BAZ1A: variants seen among roughly 807,000 people sequenced by gnomAD.
BAZ1A encodes the protein bromodomain adjacent to zinc finger domain 1A, also known as bromodomain adjacent to zinc finger domain protein 1A.
A neutral mutation model predicts 185.2 loss-of-function variants in BAZ1A; 50 were observed. That is an observed-to-expected ratio of 0.27 (90% confidence interval 0.22 to 0.34). BAZ1A has a LOEUF of 0.34. Among genes scored for constraint, BAZ1A ranks in the 10% least tolerant of loss-of-function variants. BAZ1A has a pLI of 1.00. For missense variants in BAZ1A, 1,356 were observed against 1,839.9 expected, an observed-to-expected ratio of 0.74 and a Z score of 4.81; for synonymous variants, 571 against 615.6, an observed-to-expected ratio of 0.93 and a Z score of 1.07.
chr14:34,801,328 A>G (rs1301803775), intron 7 of BAZ1A, 135 bp from the exon 8 acceptor site: 5 of 648,418 alleles, frequency 7.7e-6, no homozygotes, highest in Middle Eastern at 4.2e-4. Flanking sequence ...GTCTCGCTCT[A>G]TCCCCCAGGC....
chr14:34,823,127 G>A (rs1484798084), intron 4 of BAZ1A, among the ~76,000 whole-genome samples: 1 of 152,172 alleles, frequency 6.6e-6, no homozygotes, highest in Non-Finnish European at 1.5e-5. Flanking sequence ...GCTGATATGG[G>A]TAGATCAACT....
At chr14:34,815,789 T>C (rs1234301549) in intron 4 of BAZ1A, among the ~76,000 whole-genome samples, 1 of 152,178 alleles carries the variant, frequency 6.6e-6, no homozygotes, top group South Asian at 2.1e-4. Flanking sequence ...AAGGTTTCTT[T>C]TAAGAGAAAT....
chr14:34,829,219 T>C (rs991481558), intron 3 of BAZ1A, among the ~76,000 whole-genome samples: 13 of 147,352 alleles, frequency 8.8e-5, no homozygotes, highest in Non-Finnish European at 3.0e-5. Context: ...TGAGCCATGA[T>C]TGTGCCACTG....
intron 2 of BAZ1A, among the ~76,000 whole-genome samples, chr14:34,868,662 AC>A: frequency 6.6e-6 from 1 of 152,058 alleles, no homozygotes; most frequent in East Asian, 1.9e-4. Flanking sequence ...TTAGCTGGGC[AC>A]GGTGTCAGGA....
chr14:34,827,300 T>C (rs906159498), intron 3 of BAZ1A, among the ~76,000 whole-genome samples: 1 of 152,230 alleles, frequency 6.6e-6, no homozygotes, highest in African/African-American at 2.4e-5. Context: ...AGTTGATTTA[T>C]TGTGTTGTTC....
intron 3 of BAZ1A, among the ~76,000 whole-genome samples, chr14:34,851,124 G>T (rs1390098245): frequency 1.3e-5 from 2 of 151,974 alleles, no homozygotes; most frequent in Non-Finnish European, 2.9e-5. Context: ...CTTGAGGCCA[G>T]GAGTTCAAGA....
At chr14:34,804,931 T>C (rs771723493) in intron 6 of BAZ1A, among the ~76,000 whole-genome samples, 1 of 152,200 alleles carries the variant, frequency 6.6e-6, no homozygotes, top group Non-Finnish European at 1.5e-5. Flanking sequence ...TGTGCTGATA[T>C]AATTTGGCTC....
intron 3 of BAZ1A, among the ~76,000 whole-genome samples, chr14:34,849,559 A>G (rs1400224427): frequency 6.6e-6 from 1 of 152,202 alleles, no homozygotes; most frequent in African/African-American, 2.4e-5. Context: ...TAAAAAATTT[A>G]TAAACTTTAC....
chr14:34,834,821 A>G (rs2042303070), intron 3 of BAZ1A, among the ~76,000 whole-genome samples: 2 of 152,198 alleles, frequency 1.3e-5, no homozygotes, highest in African/African-American at 4.8e-5. Flanking sequence ...TGTATGTAAA[A>G]AAACAGAGAA....
chr14:34,858,690 TTAAAA>T (rs1346289146), intron 3 of BAZ1A, among the ~76,000 whole-genome samples: 19 of 148,896 alleles, frequency 1.3e-4, no homozygotes, highest in East Asian at 5.9e-4. Context: ...TAAATAAATT[TTAAAA>T]TAAAATAAAA....
intron 3 of BAZ1A, among the ~76,000 whole-genome samples, chr14:34,837,300 G>T (rs767580567): frequency 6.6e-6 from 1 of 151,728 alleles, no homozygotes; most frequent in Non-Finnish European, 1.5e-5. Flanking sequence ...GGCGTGCAGT[G>T]GTGTGATCTT....
chr14:34,836,084 T>C (rs1215283315), intron 3 of BAZ1A, among the ~76,000 whole-genome samples: 1 of 97,270 alleles, frequency 1.0e-5, no homozygotes, highest in Non-Finnish European at 2.4e-5. Context: ...AAGCAAATTA[T>C]AAAACTTTCT....
In BAZ1A at chr14:34,874,380, C is replaced by T; in HGVS notation, c.113+112G>A. On this transcript the variant is annotated intron_variant, in intron 2 of 26. Coordinates refer to ENST00000360310, the MANE Select transcript of BAZ1A (RefSeq NM_013448.3). This position sits in a 1 kb window ranked among gnomAD's most constrained non-coding sequence, Gnocchi z 4.7. ...CCGCGGGCCCGGGGGCCACCCGTCA[C>T]TTTCAAGTCGCCCCGCCAGAAGCCC... is the stretch of plus-strand genomic sequence containing the variant. 1 of 1,106,270 alleles carries T rather than the reference C, an allele frequency of 9.0e-7. No individual in the cohort carries two copies. Among genetic ancestry groups the T allele is most frequent in the South Asian group, 1.3e-5 (1 of 76,174 alleles). The allele number at this position is 1,106,270 out of a possible 1,614,324, so 68.5% of individuals were successfully genotyped here.
At chr14:34,807,357 C>A in intron 6 of BAZ1A, 94 bp downstream of exon 6, 1 of 845,638 alleles carries the variant, frequency 1.2e-6, no homozygotes, top group South Asian at 2.6e-5. Flanking sequence ...AATCTTTAAT[C>A]ATCTTTGAAA....
intron 7 of BAZ1A, among the ~76,000 whole-genome samples, chr14:34,801,753 G>A (rs767069011): frequency 3.9e-5 from 6 of 151,928 alleles, no homozygotes; most frequent in Non-Finnish European, 7.4e-5. Context: ...TATTAAAAAT[G>A]CAAAAATTAG....
At chr14:34,800,478 T>A (rs997147763) in intron 8 of BAZ1A, 88 bp from the exon 9 acceptor site, 53 of 1,084,618 alleles carry the variant, frequency 4.9e-5, no homozygotes, top group Non-Finnish European at 6.8e-5. Context: ...ATCCTTGAAA[T>A]AATTTAAAGT....
At chr14:34,837,152 AC>A (rs1250915032) in intron 3 of BAZ1A, among the ~76,000 whole-genome samples, 1 of 151,890 alleles carries the variant, frequency 6.6e-6, no homozygotes, top group Non-Finnish European at 1.5e-5. Context: ...CTGGCATTTG[AC>A]CTATTATAAG....
In BAZ1A at chr14:34,795,736, T is replaced by C; in HGVS notation, c.1158A>G (p.Arg386=). 6.2e-7 allele frequency: 1 copy of C among 1,612,862 alleles called. No homozygotes were observed. The highest frequency in any genetic ancestry group is 8.5e-7 in the Non-Finnish European group (1 of 1,179,744). The change falls in exon 10 of 27, where the codon CGA becomes CGG. Residue 386 remains arginine, a synonymous_variant. Transcript: ENST00000360310. ...ACTGTTTTAAGTATTCCACATACTTTCGCTTTTCTTCACGTAACTTCTCTC... is the reference window on the plus strand; with the variant it reads ...ACTGTTTTAAGTATTCCACATACTTCCGCTTTTCTTCACGTAACTTCTCTC... ...KEREKLREEK[R]KYVEYLKQWS...
Position 34,817,721 on chromosome 14 carries a change from C to CA in BAZ1A, c.537-6686dup, listed in dbSNP as rs143361795. 6.2e-3 allele frequency among the ~76,000 whole-genome samples: 937 copies of CA among 152,184 alleles called. 17 individuals carry two copies. Among genetic ancestry groups the CA allele is most frequent in the African/African-American group, 0.022 (906 of 41,522 alleles). On this transcript the variant is annotated intron_variant, in intron 4 of 26. Coordinates refer to ENST00000360310, the MANE Select transcript of BAZ1A (RefSeq NM_013448.3). ...TTCTGCAAAAAAATATACAAATGGC[C>CA]ATAAGCACATGAAATGATACTCAAC... is the stretch of plus-strand genomic sequence containing the variant.
Sources: gnomAD v4.1 joint callset for allele counts (sites outside exome capture counted in the v4.1 genomes callset) on GRCh38, gnomAD v4.1.1 for gene constraint, Gnocchi (gnomAD v3.1) non-coding constraint, MANE v1.5 for transcripts, NCBI Gene and HGNC (gene_info 2026-07-23, HGNC 2026-07-21) for gene names.